DYM: variants seen among roughly 807,000 people sequenced by gnomAD.
DYM encodes dymeclin.
Under a neutral mutation model 93.1 loss-of-function variants are expected in DYM, and 78 were observed. The ratio of observed to expected loss-of-function variants is 0.84; its 90% CI spans 0.70 to 1.01. The LOEUF (loss-of-function observed/expected upper bound fraction) is 1.01. Among genes scored for constraint, DYM ranks in the 50% least tolerant of loss-of-function variants. The pLI, the probability that DYM is intolerant of heterozygous loss-of-function variation, is 0.00. For missense variants in DYM, 789 were observed against 845.0 expected (o/e 0.93, Z 0.82); for synonymous variants, 321 against 319.7 (o/e 1.00, Z -0.04).
At chr18:49,419,660 A>G (rs1381624001) in intron 2 of DYM, among the ~76,000 whole-genome samples, 1 of 152,278 alleles carries the variant, frequency 6.6e-6, no homozygotes, top group Non-Finnish European at 1.5e-5. Flanking sequence ...AGATCCCCCA[A>G]TCTTCCAAAA....
intron 3 of DYM, among the ~76,000 whole-genome samples, chr18:49,384,408 T>C (rs1337450925): frequency 1.3e-5 from 2 of 149,530 alleles, no homozygotes. Context: ...GGAAGATCAC[T>C]TGAGGTCAGA....
chr18:49,434,587 G>C (rs952295804), intron 1 of DYM, among the ~76,000 whole-genome samples: 7 of 152,142 alleles, frequency 4.6e-5, no homozygotes, highest in Non-Finnish European at 1.0e-4. Context: ...GGAGTGGGGA[G>C]GGTGGTAGAG....
intron 7 of DYM, 37 bp downstream of exon 7, chr18:49,333,691 A>C (rs369431853): frequency 6.2e-7 from 1 of 1,602,760 alleles, no homozygotes; most frequent in South Asian, 1.1e-5. Context: ...AGATTTATAC[A>C]ATGAAAAAAC....
At chr18:49,258,839 CAGAGAGAG>C (rs61360021) in intron 11 of DYM, among the ~76,000 whole-genome samples, 1,203 of 113,718 alleles carry the variant, frequency 0.011, 7 homozygotes, top group African/African-American at 0.012. Flanking sequence ...CACACACACA[CAGAGAGAG>C]AGAGAGAGAG....
Position 49,114,052 on chromosome 18 carries a change from C to T in DYM, c.1911+4692G>A, listed in dbSNP as rs367793459. ...CCCTTCTCTAGCCCTGCTCTCCCTTCCTCCTAGGGATGGCGAAAGGGCCAA... is the reference window on the plus strand; with the variant it reads ...CCCTTCTCTAGCCCTGCTCTCCCTTTCTCCTAGGGATGGCGAAAGGGCCAA... On this transcript the variant is annotated intron_variant, in intron 16 of 17. Coordinates refer to ENST00000675505, the MANE Select transcript of DYM (RefSeq NM_001353214.3). Among the ~76,000 whole-genome samples the T allele has an allele frequency of 3.9e-5, 6 of 152,306 alleles. No individual in the cohort carries two copies. In the East Asian group the frequency reaches 9.6e-4, roughly 24 times the overall value.
At chr18:49,097,965 G>C (rs1290830996) in intron 16 of DYM, among the ~76,000 whole-genome samples, 1 of 150,694 alleles carries the variant, frequency 6.6e-6, no homozygotes, top group African/African-American at 2.4e-5. Flanking sequence ...ATGATGTTTT[G>C]GGGATTATCT....
intron 6 of DYM, among the ~76,000 whole-genome samples, chr18:49,334,260 C>T (rs1483520671): frequency 6.6e-6 from 1 of 151,624 alleles, no homozygotes; most frequent in African/African-American, 2.4e-5. Flanking sequence ...GGGAAGAAAA[C>T]AATGCCTTTT....
At chr18:49,250,632 G>C (rs538979981) in intron 13 of DYM, among the ~76,000 whole-genome samples, 1 of 152,310 alleles carries the variant, frequency 6.6e-6, no homozygotes, top group South Asian at 2.1e-4. Flanking sequence ...CCTAGGAGCT[G>C]AACTGGGGAG....
rs56212722 is a variant in DYM, at chr18:49,145,108, CATATAT to C, written c.1728+18571_1728+18576del. ...TGCAAGATCCCGTCTCAAAAAAATT[CATATAT>C]ATATATATATATATATATATAATTT... is the stretch of plus-strand genomic sequence containing the variant. On this transcript the variant is annotated intron_variant, in intron 15 of 17. Coordinates refer to ENST00000675505, the MANE Select transcript of DYM (RefSeq NM_001353214.3). Among the ~76,000 whole-genome samples, 36 of 18,754 alleles carry C rather than the reference CATATAT, an allele frequency of 1.9e-3. 1 individual carries two copies. Among genetic ancestry groups the C allele is most frequent in the African/African-American group, 4.0e-3 (34 of 8,452 alleles). 12.3% of individuals were successfully genotyped at this position (18,754 alleles called of 152,430 possible). A position where few individuals can be genotyped will look rare whatever the true frequency, so the allele number is the denominator to read the frequency against.
intron 14 of DYM, among the ~76,000 whole-genome samples, chr18:49,169,522 A>G (rs954634346): frequency 6.6e-6 from 1 of 152,208 alleles, no homozygotes; most frequent in Non-Finnish European, 1.5e-5. Flanking sequence ...TGAAAGCCAG[A>G]CGTGTTCTAT....
chr18:49,268,288 G>A (rs1273678140), intron 11 of DYM, among the ~76,000 whole-genome samples: 1 of 151,996 alleles, frequency 6.6e-6, no homozygotes, highest in Non-Finnish European at 1.5e-5. Flanking sequence ...GAAAGGGAAG[G>A]GACCAAAATA....
At chr18:49,340,254 C>G (rs181687839) in intron 6 of DYM, among the ~76,000 whole-genome samples, 1 of 151,546 alleles carries the variant, frequency 6.6e-6, no homozygotes, top group African/African-American at 2.4e-5. Context: ...ACCCGGCCCA[C>G]GTGGAGAAGT....
At chr18:49,209,758 T>C (rs1376125058) in intron 13 of DYM, 43 bp from the exon 14 acceptor site, 2 of 1,130,654 alleles carry the variant, frequency 1.8e-6, no homozygotes, top group East Asian at 7.0e-5. Flanking sequence ...AAGAGAGGAG[T>C]TTTCCTTTGA....
At chr18:49,374,540 A>G (rs1210337775) in intron 5 of DYM, among the ~76,000 whole-genome samples, 1 of 152,230 alleles carries the variant, frequency 6.6e-6, no homozygotes, top group Non-Finnish European at 1.5e-5. Flanking sequence ...GACTTTTATT[A>G]TTGAAATAAA....
At chr18:49,107,107 T>G (rs2080899327) in intron 16 of DYM, among the ~76,000 whole-genome samples, 1 of 151,912 alleles carries the variant, frequency 6.6e-6, no homozygotes. Context: ...GTTCATTTCT[T>G]TTTATTCTTT....
chr18:49,305,504 G>A (rs2061223237), intron 8 of DYM, among the ~76,000 whole-genome samples: 1 of 150,494 alleles, frequency 6.6e-6, no homozygotes, highest in Admixed American at 6.6e-5. Flanking sequence ...TATCAGAAGA[G>A]AACTACCTTG....
intron 13 of DYM, among the ~76,000 whole-genome samples, chr18:49,211,328 C>T (rs183730327): frequency 9.5e-4 from 145 of 152,186 alleles, no homozygotes; most frequent in African/African-American, 3.2e-3. Context: ...ATTTCACTGA[C>T]GCCACATTTC....
intron 17 of DYM, among the ~76,000 whole-genome samples, chr18:49,078,003 CCT>C (rs2077453228): frequency 6.6e-6 from 1 of 150,808 alleles, no homozygotes. Flanking sequence ...CTACTCAAAT[CCT>C]CTCTTGTTTT....
rs552776383 is a variant in DYM at position 49,086,542 on chromosome 18, T to C, written c.2025+10860A>G. On this transcript the variant is annotated intron_variant, in intron 17 of 17. Coordinates refer to ENST00000675505, the MANE Select transcript of DYM (RefSeq NM_001353214.3). The stretch of plus-strand genomic sequence containing the variant: ...AGGGGACATTCAAACCACAGCACCA[T>C]GGTCTGGAGAACTAGGTGCCATAGA... Among the ~76,000 whole-genome samples the C allele has an allele frequency of 2.0e-5, 3 of 152,280 alleles. No homozygotes were observed. The South Asian group carries it at 6.2e-4, about 32-fold the overall frequency.
Sources: allele counts gnomAD v4.1 joint callset (sites outside exome capture counted in the v4.1 genomes callset), GRCh38; gene constraint gnomAD v4.1.1; transcripts MANE v1.5; gene names NCBI Gene and HGNC (gene_info 2026-07-23, HGNC 2026-07-21).